The following WSCD2 variants were observed in gnomAD, a reference collection of about 807,000 sequenced individuals.
WSCD2 encodes WSC domain sialate O sulfotransferase 2, also known as sialate:O-sulfotransferase 2.
A neutral mutation model predicts 55.7 loss-of-function variants in WSCD2; 28 were observed. That is an observed-to-expected ratio of 0.50 (90% confidence interval 0.37 to 0.69). WSCD2 has a LOEUF of 0.69. WSCD2 is among the 30% of genes least tolerant of loss of function. WSCD2 has a pLI of 0.00. For synonymous variants in WSCD2, 301 were observed against 301.9 expected, an observed-to-expected ratio of 1.00 and a Z score of 0.03; for missense variants, 616 against 762.1, an observed-to-expected ratio of 0.81 and a Z score of 2.26.
At chr12:108,145,070 A>G (rs1290290345) in intron 1 of WSCD2, among the ~76,000 whole-genome samples, 2 of 152,042 alleles carry the variant, frequency 1.3e-5, no homozygotes, top group Non-Finnish European at 2.9e-5. Context: ...TCTGCTACTC[A>G]CTTACTATGT....
Position 108,207,845 on chromosome 12 carries a change from G to C in WSCD2, c.497+1442G>C, listed in dbSNP as rs957944277. 3.3e-5 allele frequency among the ~76,000 whole-genome samples: 5 copies of C among 152,166 alleles called. No individual in the cohort carries two copies. In the South Asian group the frequency reaches 8.3e-4, roughly 25 times the overall value. ...ACTTATCTGTCAAACTTGGGTGCAG[G>C]GGGGCGGGGGAAACAGAGGTGCATT... is the stretch of plus-strand genomic sequence containing the variant. On this transcript the variant is annotated intron_variant, in intron 3 of 8. Transcript: ENST00000547525.
In WSCD2 at chr12:108,232,735, C is replaced by T; in HGVS notation, c.984C>T (p.Asn328=). The change falls in exon 7 of 9, where the codon AAC becomes AAT. Residue 328 remains asparagine, a synonymous_variant. Coordinates refer to ENST00000547525, the MANE Select transcript of WSCD2 (RefSeq NM_014653.4). ...FIVYQTQVQD[N]RCMDRRFLPG... is the part of the protein sequence containing the mutation. ...TCCATGCTCCGCCCTTTTCAGACAA[C>T]CGTTGCATGGACAGAAGGTTCCTGC... 6.2e-7 allele frequency: 1 copy of T among 1,611,218 alleles called. No individual in the cohort carries two copies. Among genetic ancestry groups the T allele is most frequent in the Non-Finnish European group, 8.5e-7 (1 of 1,178,464 alleles).
chr12:108,171,857 G>A (rs1277611764), intron 1 of WSCD2: 1 of 152,132 alleles, frequency 6.6e-6, no homozygotes, highest in East Asian at 1.9e-4. Flanking sequence ...GAAGAATTTT[G>A]TCAAACTGTA....
intron 2 of WSCD2, among the ~76,000 whole-genome samples, chr12:108,204,907 C>T (rs1885136736): frequency 6.6e-6 from 1 of 152,190 alleles, no homozygotes; most frequent in Non-Finnish European, 1.5e-5. Context: ...GCTGCCTAGC[C>T]AAAGAAGTGA....
chr12:108,242,789 C>T lies in WSCD2; in HGVS notation c.1345+2245C>T, dbSNP rs74236957. On this transcript the variant is annotated intron_variant, in intron 8 of 8. Coordinates refer to ENST00000547525, the MANE Select transcript of WSCD2 (RefSeq NM_014653.4). Reference sequence around the variant, plus strand: ...TCTCCCTCCCCAACACCGACAGGCCCCACTCTTTTTCCTTATTCAAAACAG... The same window carrying T: ...TCTCCCTCCCCAACACCGACAGGCCTCACTCTTTTTCCTTATTCAAAACAG... Among the ~76,000 whole-genome samples the T allele has an allele frequency of 1.5e-3, 236 of 152,292 alleles. 6 individuals carry two copies. In the East Asian group the frequency reaches 0.038, roughly 25 times the overall value.
chr12:108,243,339 G>A (rs553598090), intron 8 of WSCD2, among the ~76,000 whole-genome samples: 19 of 152,236 alleles, frequency 1.2e-4, no homozygotes, highest in African/African-American at 4.1e-4. Flanking sequence ...CCGGGTTCAC[G>A]CTGTTCTCCT....
Position 108,248,565 on chromosome 12 carries a change from G to T in WSCD2, c.*222G>T. ...GCTCACATGTTCCCCCCTTGGCAAT[G>T]TGGGGCATCTTGTTTAGGGGGTTCT... On this transcript the variant is annotated 3_prime_UTR_variant, in exon 9 of 9. Coordinates refer to ENST00000547525, the MANE Select transcript of WSCD2 (RefSeq NM_014653.4). The surrounding 1 kb of genome is among the most constrained non-coding windows in gnomAD (Gnocchi z 4.3). 7.3e-7 allele frequency: 1 copy of T among 1,361,606 alleles called. No homozygotes were observed. Among genetic ancestry groups the T allele is most frequent in the African/African-American group, 1.5e-5 (1 of 68,824 alleles). The allele number at this position is 1,361,606 out of a possible 1,614,324, so 84.3% of individuals were successfully genotyped here.
chr12:108,194,715 T>C (rs1034481849), intron 1 of WSCD2, among the ~76,000 whole-genome samples: 1 of 152,206 alleles, frequency 6.6e-6, no homozygotes, highest in Admixed American at 6.5e-5. Context: ...AGAGGGGCTA[T>C]GGATTTTATT....
At chr12:108,237,556 C>T (rs1565994841) in intron 7 of WSCD2, among the ~76,000 whole-genome samples, 1 of 152,218 alleles carries the variant, frequency 6.6e-6, no homozygotes, top group Non-Finnish European at 1.5e-5. Flanking sequence ...CTTGCAGTTA[C>T]CTAGACAGGC....
intron 1 of WSCD2, among the ~76,000 whole-genome samples, chr12:108,141,760 G>A (rs1876842401): frequency 6.6e-6 from 1 of 152,140 alleles, no homozygotes; most frequent in South Asian, 2.1e-4. Flanking sequence ...TTGGGGTCGG[G>A]GAGCTGGTAT....
At chr12:108,215,485 A>G (rs1049256039) in intron 4 of WSCD2, among the ~76,000 whole-genome samples, 3 of 152,162 alleles carry the variant, frequency 2.0e-5, no homozygotes, top group Non-Finnish European at 4.4e-5. Context: ...AAACTCCCCA[A>G]TTCACTCCGA....
intron 1 of WSCD2, chr12:108,171,882 A>G (rs1365841070): frequency 6.6e-6 from 1 of 152,246 alleles, no homozygotes; most frequent in Non-Finnish European, 1.5e-5. Context: ...TTTAAATAAG[A>G]ATTCTTTTTA....
chr12:108,204,255 A>C (rs1172386287), intron 2 of WSCD2, among the ~76,000 whole-genome samples: 1 of 152,114 alleles, frequency 6.6e-6, no homozygotes, highest in Admixed American at 6.6e-5. Flanking sequence ...ACACAGACAC[A>C]CAACCTGTTG....
chr12:108,229,867 A>G (rs907667176), intron 6 of WSCD2, among the ~76,000 whole-genome samples: 2 of 102,418 alleles, frequency 2.0e-5, no homozygotes, highest in African/African-American at 7.6e-5. Context: ...TTGCTCTGGA[A>G]AAAAAAAAAA....
intron 4 of WSCD2, among the ~76,000 whole-genome samples, chr12:108,218,176 A>T (rs546303875): frequency 3.9e-5 from 6 of 152,346 alleles, no homozygotes; most frequent in African/African-American, 1.2e-4. Flanking sequence ...AGATGAGAAC[A>T]TTAAGACTCT....
At chr12:108,219,869 G>A (rs1254883986) in intron 4 of WSCD2, among the ~76,000 whole-genome samples, 1 of 152,208 alleles carries the variant, frequency 6.6e-6, no homozygotes, top group East Asian at 1.9e-4. Context: ...AGATCCTGGT[G>A]GCAGGTTAAC....
intron 1 of WSCD2, among the ~76,000 whole-genome samples, chr12:108,163,673 C>T (rs1300449760): frequency 6.6e-6 from 1 of 152,038 alleles, no homozygotes; most frequent in East Asian, 1.9e-4. Context: ...TGATAGAAGA[C>T]GTTGGAGTGA....
chr12:108,133,338 G>A (rs756318488), intron 1 of WSCD2, among the ~76,000 whole-genome samples: 5 of 152,122 alleles, frequency 3.3e-5, no homozygotes, highest in Non-Finnish European at 7.4e-5. Flanking sequence ...GAATTTCTGA[G>A]TGGTGTTGTA....
intron 8 of WSCD2, 132 bp downstream of exon 8, chr12:108,240,676 C>A: frequency 9.3e-7 from 1 of 1,072,570 alleles, no homozygotes; most frequent in Non-Finnish European, 1.3e-6. Context: ...TGGAGGACAT[C>A]CTGGAGGGCG....
Sources: gnomAD v4.1 joint callset for allele counts (sites outside exome capture counted in the v4.1 genomes callset) on GRCh38, gnomAD v4.1.1 for gene constraint, Gnocchi (gnomAD v3.1) non-coding constraint, MANE v1.5 for transcripts, NCBI Gene and HGNC (gene_info 2026-07-23, HGNC 2026-07-21) for gene names.